Variants in DSC3 observed in about 807,000 individuals in gnomAD.
The protein encoded by DSC3 is desmocollin-3.
In DSC3, 97 loss-of-function variants were observed where a neutral mutation model predicts 89.5. The observed-to-expected ratio is 1.08, with a 90% CI of 0.92 to 1.28. DSC3 has a LOEUF of 1.28. DSC3 is among the 50% of genes most tolerant of loss of function. The pLI is 0.00. For missense variants in DSC3, 1,199 were observed against 1,085.3 expected, an observed-to-expected ratio of 1.10 and a Z score of -1.47; for synonymous variants, 436 against 384.1, an observed-to-expected ratio of 1.14 and a Z score of -1.58.
chr18:30,998,542 T>A (rs1984551126), intron 14 of DSC3, among the ~76,000 whole-genome samples: 1 of 152,100 alleles, frequency 6.6e-6, no homozygotes, highest in South Asian at 2.1e-4. Context: ...CACTCCCAAA[T>A]AGGTGATAGT....
intron 13 of DSC3, among the ~76,000 whole-genome samples, chr18:31,003,893 G>C (rs1449385503): frequency 7.9e-5 from 12 of 152,130 alleles, no homozygotes; most frequent in Admixed American, 7.2e-4. Context: ...AAGACTATTT[G>C]TTTGTCAGAT....
chr18:31,026,821 T>C (rs1315946750), intron 4 of DSC3, among the ~76,000 whole-genome samples: 1 of 152,230 alleles, frequency 6.6e-6, no homozygotes, highest in East Asian at 1.9e-4. Context: ...GACAAGGGAA[T>C]GTGAACAAAA....
At chr18:31,000,816 G>A (rs1473423718) in intron 14 of DSC3, among the ~76,000 whole-genome samples, 1 of 151,700 alleles carries the variant, frequency 6.6e-6, no homozygotes, top group Non-Finnish European at 1.5e-5. Flanking sequence ...AACTACATGA[G>A]TACATTTAGG....
At chr18:31,001,061 T>A (rs1485575121) in intron 14 of DSC3, among the ~76,000 whole-genome samples, 1 of 133,954 alleles carries the variant, frequency 7.5e-6, no homozygotes, top group South Asian at 2.5e-4. Flanking sequence ...ATATATATAC[T>A]TTGTGTTTAT....
chr18:31,032,546 C>CTGTG (rs1373082170), intron 1 of DSC3, among the ~76,000 whole-genome samples: 46 of 133,770 alleles, frequency 3.4e-4, no homozygotes, highest in Middle Eastern at 3.8e-3. Flanking sequence ...CTAACTGCTT[C>CTGTG]TGTGTGTATG....
rs1222542700 is a variant in DSC3 at position 30,993,914 on chromosome 18, T to TAAA, written c.*258_*260dup. ...AGCATATTTATTACTAAAATATCCG[T>TAAA]AAAAAAAAAAAAGAGCAGATGCTTT... On this transcript the variant is annotated 3_prime_UTR_variant, in exon 16 of 16. Transcript: ENST00000360428. The TAAA allele has an allele frequency of 1.2e-3, 363 of 303,482 alleles. 1 individual carries two copies. Among genetic ancestry groups the TAAA allele is most frequent in the African/African-American group, 5.3e-3 (238 of 44,590 alleles). The allele number at this position is 303,482 out of a possible 1,614,324, so 18.8% of individuals were successfully genotyped here.
In DSC3 at chr18:31,004,161, C is replaced by G; in HGVS notation, c.2094G>C (p.Leu698=). The change falls in exon 13 of 16, where the codon CTG becomes CTC. Residue 698 remains leucine (L), a synonymous_variant. Transcript: ENST00000360428. Reference sequence around the variant, plus strand: ...ACTTACAAAAGAGCAGTGCTATACCCAGTAATATTGCAAGGATTGCCCATT... The same window carrying G: ...ACTTACAAAAGAGCAGTGCTATACCGAGTAATATTGCAAGGATTGCCCATT... The part of the protein sequence containing the change: ...LGKWAILAIL[L]GIALLFSVLL... 1.2e-6 allele frequency: 2 copies of G among 1,612,276 alleles called. No homozygotes were observed. Among genetic ancestry groups the G allele is most frequent in the Middle Eastern group, 1.7e-4 (1 of 6,050 alleles).
At chr18:31,028,939 G>C (rs1471233514) in intron 4 of DSC3, among the ~76,000 whole-genome samples, 1 of 151,984 alleles carries the variant, frequency 6.6e-6, no homozygotes, top group African/African-American at 2.4e-5. Flanking sequence ...CTCCTCTAAG[G>C]AGCTCTCACT....
chr18:31,018,814 A>C lies in DSC3; in HGVS notation c.943-14T>G. On this transcript the variant is annotated splice_polypyrimidine_tract_variant and intron_variant, in intron 7 of 15. Coordinates refer to ENST00000360428, the MANE Select transcript of DSC3 (RefSeq NM_001941.5). ...CTTGTCTACAACCTGGAAACAAAGC[A>C]AATATTTAACTAGTCTTGAAAAATT... is the stretch of plus-strand genomic sequence containing the variant. 2 of 1,612,892 alleles carry C rather than the reference A, an allele frequency of 1.2e-6. No individual in the cohort carries two copies. The highest frequency in any genetic ancestry group is 1.7e-6 in the Non-Finnish European group (2 of 1,179,734).
intron 9 of DSC3, among the ~76,000 whole-genome samples, chr18:31,008,920 G>A (rs1984963468): frequency 6.6e-6 from 1 of 152,194 alleles, no homozygotes. Flanking sequence ...TGGCTTATCA[G>A]TTACTACTGA....
chr18:31,016,340 A>C (rs111344447), intron 9 of DSC3, among the ~76,000 whole-genome samples: 20 of 152,238 alleles, frequency 1.3e-4, no homozygotes, highest in African/African-American at 4.8e-4. Flanking sequence ...CTTGCTCTTG[A>C]ATTCTTTTCC....
chr18:31,024,871 C>T (rs139371040), intron 5 of DSC3, among the ~76,000 whole-genome samples: 2 of 152,260 alleles, frequency 1.3e-5, no homozygotes, highest in South Asian at 2.1e-4. Context: ...AATAAAGCAG[C>T]AATTCCCAAT....
intron 1 of DSC3, among the ~76,000 whole-genome samples, chr18:31,036,371 TA>T (rs1985968608): frequency 6.6e-6 from 1 of 152,218 alleles, no homozygotes; most frequent in African/African-American, 2.4e-5. Flanking sequence ...CTTCCTCCTT[TA>T]ATCACTTATC....
intron 13 of DSC3, among the ~76,000 whole-genome samples, chr18:31,003,022 C>A (rs1022070326): frequency 1.3e-5 from 2 of 152,220 alleles, no homozygotes; most frequent in South Asian, 2.1e-4. Context: ...GGTTTCCCTG[C>A]CACTCCTTGG....
Position 31,008,063 on chromosome 18 carries a change from G to C in DSC3, c.1616C>G (p.Thr539Ser). Residue 539 changes from threonine (T) to serine (S), a missense_variant, in exon 11 of 16, where the codon ACT (threonine) becomes AGT (serine). Coordinates refer to ENST00000360428, the MANE Select transcript of DSC3 (RefSeq NM_001941.5). ...AATATTATACAACTCATTTTTGGGA[G>C]TTTCAACCTCCCTATCCAGGATTTT... ...TSKILDREVE[T>S]PKNELYNITV... 1 of 1,612,808 alleles carries C rather than the reference G, an allele frequency of 6.2e-7. No individual in the cohort carries two copies.
At chr18:31,021,092 A>G (rs1985404160) in intron 7 of DSC3, among the ~76,000 whole-genome samples, 2 of 149,378 alleles carry the variant, frequency 1.3e-5, no homozygotes, top group African/African-American at 4.9e-5. Context: ...TTTACTTCTC[A>G]TGTTGTTCCC....
At chr18:30,998,636 T>A (rs1266868196) in intron 14 of DSC3, among the ~76,000 whole-genome samples, 2 of 151,430 alleles carry the variant, frequency 1.3e-5, no homozygotes, top group African/African-American at 2.4e-5. Context: ...ACAAGAAAAA[T>A]CACATTTTAA....
intron 9 of DSC3, among the ~76,000 whole-genome samples, chr18:31,015,257 G>C (rs923594597): frequency 2.0e-5 from 3 of 152,112 alleles, no homozygotes; most frequent in Non-Finnish European, 4.4e-5. Flanking sequence ...AAGCAGTAAA[G>C]TATTATTATC....
chr18:31,014,582 T>C (rs1331665786), intron 9 of DSC3, among the ~76,000 whole-genome samples: 1 of 152,088 alleles, frequency 6.6e-6, no homozygotes, highest in East Asian at 1.9e-4. Context: ...CTATTGACAT[T>C]TAAAACAATT....
Sources: allele counts gnomAD v4.1 joint callset (sites outside exome capture counted in the v4.1 genomes callset), GRCh38; gene constraint gnomAD v4.1.1; transcripts MANE v1.5; gene names NCBI Gene and HGNC (gene_info 2026-07-23, HGNC 2026-07-21).